The following TMPRSS11A variants were observed in gnomAD, a reference collection of about 807,000 sequenced individuals.
The protein encoded by TMPRSS11A is transmembrane serine protease 11A.
Under a neutral mutation model 58.9 loss-of-function variants are expected in TMPRSS11A, and 53 were observed. The ratio of observed to expected loss-of-function variants is 0.90; its 90% CI spans 0.72 to 1.13. The LOEUF (loss-of-function observed/expected upper bound fraction) is 1.13. Among genes scored for constraint, TMPRSS11A ranks in the 50% most tolerant of loss-of-function variants. TMPRSS11A has a pLI of 0.00. For missense variants in TMPRSS11A, 493 were observed against 499.3 expected (o/e 0.99, Z 0.12); for synonymous variants, 167 against 169.8 (o/e 0.98, Z 0.13).
chr4:67,910,640 T>C lies in TMPRSS11A; in HGVS notation c.*702A>G, dbSNP rs1472738039. 5 of 152,106 alleles carry C rather than the reference T, an allele frequency of 3.3e-5. No homozygotes were observed. The highest frequency in any genetic ancestry group is 9.6e-5 in the African/African-American group (4 of 41,458). The allele number at this position is 152,106 out of a possible 1,614,324, so 9.4% of individuals were successfully genotyped here. ...ATTAACTAATCACTCTATCTATCTATATATAATTCATTAATCGGGATTTTT... is the reference window on the plus strand; with the variant it reads ...ATTAACTAATCACTCTATCTATCTACATATAATTCATTAATCGGGATTTTT... On this transcript the variant is annotated 3_prime_UTR_variant, in exon 10 of 10. Coordinates refer to ENST00000508048, the MANE Select transcript of TMPRSS11A (RefSeq NM_001114387.2).
intron 8 of TMPRSS11A, among the ~76,000 whole-genome samples, chr4:67,915,687 C>A (rs1307282018): frequency 1.3e-5 from 2 of 152,180 alleles, no homozygotes; most frequent in Non-Finnish European, 2.9e-5. Flanking sequence ...GTTAAAGCAG[C>A]AAGCTGGCAT....
intron 1 of TMPRSS11A, among the ~76,000 whole-genome samples, chr4:67,953,831 T>A (rs1297454254): frequency 2.6e-5 from 4 of 152,058 alleles, no homozygotes; most frequent in African/African-American, 9.7e-5. Context: ...GATCCTTCTG[T>A]TCCACAGAAC....
Position 67,932,073 on chromosome 4 carries a change from A to T in TMPRSS11A, c.253-13T>A, listed in dbSNP as rs376258886. On this transcript the variant is annotated splice_polypyrimidine_tract_variant and intron_variant, in intron 3 of 9. Coordinates refer to ENST00000508048, the MANE Select transcript of TMPRSS11A (RefSeq NM_001114387.2). ...ATATCTCATCCACCTGTTACACAACAAGAGAGAAACTATGTGTTAATAATA... is the reference window on the plus strand; with the variant it reads ...ATATCTCATCCACCTGTTACACAACTAGAGAGAAACTATGTGTTAATAATA... 6.9e-7 allele frequency: 1 copy of T among 1,452,762 alleles called. No homozygotes were observed. The allele number at this position is 1,452,762 out of a possible 1,614,324, so 90.0% of individuals were successfully genotyped here.
intron 9 of TMPRSS11A, among the ~76,000 whole-genome samples, chr4:67,913,234 A>C (rs1720038021): frequency 6.6e-6 from 1 of 152,144 alleles, no homozygotes. Flanking sequence ...TCTCCAATAC[A>C]ATAGTGTTGA....
At chr4:67,930,117 C>G in intron 4 of TMPRSS11A, 77 bp from the exon 5 acceptor site, 1 of 1,338,750 alleles carries the variant, frequency 7.5e-7, no homozygotes, top group East Asian at 2.3e-5. Flanking sequence ...GTATCTTCCT[C>G]CCCTGAATGA....
intron 1 of TMPRSS11A, among the ~76,000 whole-genome samples, chr4:67,954,604 C>T (rs1489060580): frequency 6.6e-6 from 1 of 152,204 alleles, no homozygotes; most frequent in Non-Finnish European, 1.5e-5. Context: ...CTTATAGCTG[C>T]AGAGGCTTTC....
At chr4:67,960,116 A>G (rs1721388814) in intron 1 of TMPRSS11A, among the ~76,000 whole-genome samples, 1 of 152,198 alleles carries the variant, frequency 6.6e-6, no homozygotes, top group South Asian at 2.1e-4. Flanking sequence ...AATATTGAGC[A>G]CACATAGACA....
intron 1 of TMPRSS11A, among the ~76,000 whole-genome samples, chr4:67,961,477 C>CTTT (rs1560577058): frequency 4.3e-4 from 1 of 2,320 alleles, no homozygotes; most frequent in African/African-American, 8.8e-4. Context: ...CTTTCCTTTT[C>CTTT]TTTTCCTTTT....
rs936639034 is a variant in TMPRSS11A, at chr4:67,909,944, C to T, written c.*1398G>A. On this transcript the variant is annotated 3_prime_UTR_variant, in exon 10 of 10. Transcript: ENST00000508048. ...AGATATTTTAGGATTATTTTCATGCCTTCTCAATAGCATGTGAGGGAAATT... is the reference window on the plus strand; with the variant it reads ...AGATATTTTAGGATTATTTTCATGCTTTCTCAATAGCATGTGAGGGAAATT... 5.3e-5 allele frequency: 8 copies of T among 151,826 alleles called. No individual in the cohort carries two copies. The highest frequency in any genetic ancestry group is 2.9e-5 in the Non-Finnish European group (2 of 67,924). 9.4% of individuals were successfully genotyped at this position (151,826 alleles called of 1,614,324 possible).
At chr4:67,933,024 T>C (rs1720666832) in intron 3 of TMPRSS11A, among the ~76,000 whole-genome samples, 2 of 151,896 alleles carry the variant, frequency 1.3e-5, no homozygotes, top group Non-Finnish European at 2.9e-5. Flanking sequence ...ACAGTTCATG[T>C]TGGACAGAAG....
chr4:67,947,643 C>T (rs1299516331), intron 1 of TMPRSS11A, among the ~76,000 whole-genome samples: 1 of 152,098 alleles, frequency 6.6e-6, no homozygotes, highest in Non-Finnish European at 1.5e-5. Flanking sequence ...TTGCATCACA[C>T]CAGGGATAAA....
intron 3 of TMPRSS11A, among the ~76,000 whole-genome samples, chr4:67,934,341 GC>G (rs1720700578): frequency 6.6e-6 from 1 of 152,118 alleles, no homozygotes; most frequent in South Asian, 2.1e-4. Flanking sequence ...GTATAAACTA[GC>G]TTTCTAAAGA....
chr4:67,924,958 G>A (rs1294404815), intron 5 of TMPRSS11A, among the ~76,000 whole-genome samples: 1 of 144,546 alleles, frequency 6.9e-6, no homozygotes, highest in African/African-American at 2.6e-5. Flanking sequence ...TATTTACTTC[G>A]AATTTCACAT....
chr4:67,922,775 A>C lies in TMPRSS11A; in HGVS notation c.672T>G (p.Thr224=), dbSNP rs1296183604. The C allele has an allele frequency of 6.2e-7, 1 of 1,614,034 alleles. No homozygotes were observed. Among genetic ancestry groups the C allele is most frequent in the African/African-American group, 1.3e-5 (1 of 74,924 alleles). Residue 224 remains threonine (T), a synonymous_variant, in exon 7 of 10, where the codon ACT becomes ACG. Transcript: ENST00000508048. ...ATLISNTWLV[T]AAHCFQKYKN... is the part of the protein sequence containing the mutation. ...CTTACTTCTGGAAGCAGTGTGCTGCAGTGACAAGCCATGTGTTACTAATCA... is the reference window on the plus strand; with the variant it reads ...CTTACTTCTGGAAGCAGTGTGCTGCCGTGACAAGCCATGTGTTACTAATCA...
intron 1 of TMPRSS11A, among the ~76,000 whole-genome samples, chr4:67,954,622 G>A (rs988118727): frequency 1.3e-5 from 2 of 152,176 alleles, no homozygotes; most frequent in Non-Finnish European, 2.9e-5. Flanking sequence ...TTCTTAAATA[G>A]CATTGAACTT....
chr4:67,946,968 T>C (rs1288135683), intron 1 of TMPRSS11A, among the ~76,000 whole-genome samples: 1 of 152,016 alleles, frequency 6.6e-6, no homozygotes, highest in African/African-American at 2.4e-5. Flanking sequence ...TATTTTTATC[T>C]TTTGTCTTTT....
At chr4:67,914,879 G>C (rs1238134376) in intron 8 of TMPRSS11A, 149 bp from the exon 9 acceptor site, 1 of 568,644 alleles carries the variant, frequency 1.8e-6, no homozygotes, top group Non-Finnish European at 2.9e-6. Flanking sequence ...AAGAATTTCT[G>C]GTTAAATCTG....
At chr4:67,944,402 G>T (rs533118150) in intron 3 of TMPRSS11A, 117 bp downstream of exon 3, 14 of 1,235,222 alleles carry the variant, frequency 1.1e-5, no homozygotes, top group African/African-American at 1.1e-4. Context: ...CTAGCAATCT[G>T]CAAGATGATT....
intron 1 of TMPRSS11A, among the ~76,000 whole-genome samples, chr4:67,959,106 C>T (rs2109773845): frequency 6.6e-6 from 1 of 152,200 alleles, no homozygotes; most frequent in South Asian, 2.1e-4. Context: ...TTAATACAGG[C>T]AGAGATTTGG....
Sources: allele counts gnomAD v4.1 joint callset (sites outside exome capture counted in the v4.1 genomes callset), GRCh38; gene constraint gnomAD v4.1.1; transcripts MANE v1.5; gene names NCBI Gene and HGNC (gene_info 2026-07-23, HGNC 2026-07-21).